Variants in SEMA4D observed in about 807,000 individuals in gnomAD.
SEMA4D encodes the protein semaphorin-4D.
Under a neutral mutation model 74.8 loss-of-function variants are expected in SEMA4D, and 22 were observed. The observed-to-expected ratio is 0.29, with a 90% confidence interval of 0.21 to 0.42. The LOEUF is 0.42. Among genes scored for constraint, SEMA4D ranks in the 10% least tolerant of loss-of-function variants. SEMA4D has a pLI of 1.00. For synonymous variants in SEMA4D, 445 were observed against 463.7 expected (o/e 0.96, Z 0.52); for missense variants, 937 against 1,118.4 (o/e 0.84, Z 2.31).
intron 2 of SEMA4D, among the ~76,000 whole-genome samples, chr9:89,412,385 C>T (rs28433915): frequency 0.052 from 7,939 of 152,254 alleles, 504 homozygotes; most frequent in East Asian, 0.32. Context: ...TCAGCAGGTG[C>T]CCAGGTGGAA....
chr9:89,409,324 C>T (rs1015873194), intron 2 of SEMA4D, among the ~76,000 whole-genome samples: 5 of 152,060 alleles, frequency 3.3e-5, no homozygotes, highest in Non-Finnish European at 5.9e-5. Flanking sequence ...GATACTACCA[C>T]GGTGGACACA....
intron 6 of SEMA4D, among the ~76,000 whole-genome samples, chr9:89,395,449 A>C (rs1840752783): frequency 6.6e-6 from 1 of 152,054 alleles, no homozygotes; most frequent in Admixed American, 6.5e-5. Context: ...ATTAGGAAAA[A>C]TTATAGGTCT....
intron 16 of SEMA4D, chr9:89,367,004 C>T (rs950481662): frequency 2.0e-5 from 3 of 152,414 alleles, no homozygotes; most frequent in Admixed American, 1.3e-4. Flanking sequence ...AAGCTCTACA[C>T]TCTTGGGGTG....
At chr9:89,475,828 T>A (rs1317192949) in intron 1 of SEMA4D, among the ~76,000 whole-genome samples, 1 of 148,776 alleles carries the variant, frequency 6.7e-6, no homozygotes, top group Non-Finnish European at 1.5e-5. Context: ...TGCACAAATA[T>A]TTTTTTTCCC....
chr9:89,428,576 TGGAGCCTGCTCAAGGTCAC>T (rs68173245), intron 2 of SEMA4D, among the ~76,000 whole-genome samples: 104,249 of 151,942 alleles, frequency 0.69, 36,197 homozygotes, highest in Middle Eastern at 0.78. Context: ...GGCACAGGCA[TGGAGCCTGCTCAAGGTCAC>T]GGAGCCTGCT....
At chr9:89,494,962 G>C (rs935804468) in intron 1 of SEMA4D, among the ~76,000 whole-genome samples, 5 of 152,202 alleles carry the variant, frequency 3.3e-5, no homozygotes, top group African/African-American at 1.2e-4. Context: ...CAATAGCCTA[G>C]TTTTCAAAGG....
At chr9:89,480,125 C>G (rs1172797626) in intron 1 of SEMA4D, among the ~76,000 whole-genome samples, 1 of 151,858 alleles carries the variant, frequency 6.6e-6, no homozygotes, top group Non-Finnish European at 1.5e-5. Context: ...GATTGGTGCA[C>G]TCACAAACCT....
chr9:89,482,394 C>G (rs7873957), intron 1 of SEMA4D, among the ~76,000 whole-genome samples: 134,866 of 152,208 alleles, frequency 0.89, 60,046 homozygotes, highest in Middle Eastern at 0.92. Flanking sequence ...ACACTCGTTA[C>G]GGTTTACACA....
Position 89,381,594 on chromosome 9 carries a change from C to T in SEMA4D, c.1447-248G>A. On this transcript the variant is annotated intron_variant, in intron 13 of 15. Coordinates refer to ENST00000422704, the MANE Select transcript of SEMA4D (RefSeq NM_001371194.2). This position sits in a 1 kb window ranked among gnomAD's most constrained non-coding sequence, Gnocchi z 4.6. ...TCCCTCTCTCCCCTGTCTGGGCACC[C>T]ACAGGTGCCTGCCCTCCAGCAAAGC... The T allele has an allele frequency of 1.0e-5, 4 of 395,742 alleles. No homozygotes were observed. Among genetic ancestry groups the T allele is most frequent in the Non-Finnish European group, 1.8e-5 (4 of 221,886 alleles). The allele number at this position is 395,742 out of a possible 1,614,324, so 24.5% of individuals were successfully genotyped here. A position where few individuals can be genotyped will look rare whatever the true frequency, so the allele number is the denominator to read the frequency against.
intron 1 of SEMA4D, among the ~76,000 whole-genome samples, chr9:89,457,619 C>G (rs991891780): frequency 7.2e-5 from 11 of 152,066 alleles, no homozygotes; most frequent in African/African-American, 2.4e-4. Context: ...GTAGTCCCGG[C>G]TACTCGAGAA....
chr9:89,365,715 G>A (rs1406214700), intron 16 of SEMA4D: 1 of 152,302 alleles, frequency 6.6e-6, no homozygotes, highest in Non-Finnish European at 1.5e-5. Flanking sequence ...GTTCTCAGGT[G>A]TAGGGGCAGA....
rs540498528 is a variant in SEMA4D at position 89,396,393 on chromosome 9, C to T, written c.414+344G>A. Among the ~76,000 whole-genome samples, 6 of 152,366 alleles carry T rather than the reference C, an allele frequency of 3.9e-5. No individual in the cohort carries two copies. In the East Asian group the frequency reaches 9.6e-4, roughly 24 times the overall value. Reference sequence around the variant, plus strand: ...TTCAGGCTACCTGTCCTTCCCAGCACATCCCCAATGCCATGTTCAGGCTGT... The same window carrying T: ...TTCAGGCTACCTGTCCTTCCCAGCATATCCCCAATGCCATGTTCAGGCTGT... On this transcript the variant is annotated intron_variant, in intron 6 of 15. Coordinates refer to ENST00000422704, the MANE Select transcript of SEMA4D (RefSeq NM_001371194.2).
At chr9:89,460,262 C>A (rs1856905879) in intron 1 of SEMA4D, among the ~76,000 whole-genome samples, 1 of 152,220 alleles carries the variant, frequency 6.6e-6, no homozygotes, top group African/African-American at 2.4e-5. Flanking sequence ...CATCCTTTGA[C>A]CCTGCCACCT....
rs778416516 is a variant in SEMA4D at position 89,492,656 on chromosome 9, G to A, written c.-310+5263C>T. On this transcript the variant is annotated intron_variant, in intron 1 of 15. Coordinates refer to ENST00000422704, the MANE Select transcript of SEMA4D (RefSeq NM_001371194.2). This position sits in a 1 kb window ranked among gnomAD's most constrained non-coding sequence, Gnocchi z 4.3. Reference sequence around the variant, plus strand: ...TGGCAACTCTACCCTTCCAACACCCGATCCAAGACTCTTGGGTCATCCTGG... The same window carrying A: ...TGGCAACTCTACCCTTCCAACACCCAATCCAAGACTCTTGGGTCATCCTGG... 6.6e-6 allele frequency among the ~76,000 whole-genome samples: 1 copy of A among 151,984 alleles called. No individual in the cohort carries two copies. Among genetic ancestry groups the A allele is most frequent in the African/African-American group, 2.4e-5 (1 of 41,348 alleles).
chr9:89,428,261 C>T (rs753286126), intron 2 of SEMA4D, among the ~76,000 whole-genome samples: 1 of 152,230 alleles, frequency 6.6e-6, no homozygotes, highest in East Asian at 1.9e-4. Context: ...CAGCTCCAGG[C>T]GGCCCCCGCC....
intron 1 of SEMA4D, among the ~76,000 whole-genome samples, chr9:89,488,276 G>C (rs1032800744): frequency 6.7e-6 from 1 of 149,926 alleles, no homozygotes; most frequent in East Asian, 2.0e-4. Context: ...AGAACAATCG[G>C]AAGTCTACAT....
chr9:89,480,661 G>C (rs1824545774), intron 1 of SEMA4D, among the ~76,000 whole-genome samples: 1 of 152,248 alleles, frequency 6.6e-6, no homozygotes, highest in Non-Finnish European at 1.5e-5. Context: ...ACTGGCCCGG[G>C]TGCTAAGTCC....
In SEMA4D at chr9:89,385,410, TCAA is replaced by T. The variant is rs563695329; in HGVS notation, c.1446+954_1446+956del. 5.4e-5 allele frequency: 53 copies of T among 985,370 alleles called. No homozygotes were observed. In the South Asian group the frequency reaches 2.4e-3, roughly 45 times the overall value. 61.0% of individuals were successfully genotyped at this position (985,370 alleles called of 1,614,324 possible). ...AGAAGAGCTTCTGGGTCCCCTTCTTTCAACAACGAGGCTGGGGTGAGGCCCCAC... is the reference window on the plus strand; with the variant it reads ...AGAAGAGCTTCTGGGTCCCCTTCTTTCAACGAGGCTGGGGTGAGGCCCCAC... On this transcript the variant is annotated intron_variant, in intron 13 of 15. Coordinates refer to ENST00000422704, the MANE Select transcript of SEMA4D (RefSeq NM_001371194.2).
At chr9:89,446,887 G>T (rs1405702935) in intron 2 of SEMA4D, among the ~76,000 whole-genome samples, 1 of 152,140 alleles carries the variant, frequency 6.6e-6, no homozygotes, top group Non-Finnish European at 1.5e-5. Flanking sequence ...CGGAGGACTC[G>T]AAGTCTCAGC....
Sources: gnomAD v4.1 joint callset for allele counts (sites outside exome capture counted in the v4.1 genomes callset) on GRCh38, gnomAD v4.1.1 for gene constraint, Gnocchi (gnomAD v3.1) non-coding constraint, MANE v1.5 for transcripts, NCBI Gene and HGNC (gene_info 2026-07-23, HGNC 2026-07-21) for gene names.